RANBP2: variants seen among roughly 807,000 people sequenced by gnomAD.
RANBP2 encodes the protein E3 SUMO-protein ligase RanBP2.
Under a neutral mutation model 303.6 loss-of-function variants are expected in RANBP2, and 57 were observed. The ratio of observed to expected loss-of-function variants is 0.19; its 90% CI spans 0.15 to 0.23. The LOEUF (loss-of-function observed/expected upper bound fraction) is 0.23, where lower values mean the gene tolerates loss of function less well. Among genes scored for constraint, RANBP2 ranks in the 10% least tolerant of loss-of-function variants. The pLI is 1.00. For missense variants in RANBP2, 3,138 were observed against 3,780.8 expected (o/e 0.83, Z 4.46); for synonymous variants, 1,167 against 1,301.5 (o/e 0.90, Z 2.23).
chr2:109,560,964 T>C, the RANBP2 span, among the ~76,000 whole-genome samples: 1 of 152,178 alleles, frequency 6.6e-6, no homozygotes, highest in Non-Finnish European at 1.5e-5. Context: ...CTAACTGGCC[T>C]CTCCTAAGCA....
At chr2:108,839,496 T>C in the RANBP2 span, among the ~76,000 whole-genome samples, 2 of 152,198 alleles carry the variant, frequency 1.3e-5, no homozygotes, top group African/African-American at 4.8e-5. Context: ...ATCTTTCCTT[T>C]GTTGAGTCTT....
At chr2:108,900,059 A>G in the RANBP2 span, among the ~76,000 whole-genome samples, 6 of 152,334 alleles carry the variant, frequency 3.9e-5, no homozygotes, top group East Asian at 9.6e-4. Context: ...AGAAACTACT[A>G]AAATAACTAT....
chr2:109,712,494 C>G, the RANBP2 span, among the ~76,000 whole-genome samples: 7 of 152,146 alleles, frequency 4.6e-5, no homozygotes, highest in Non-Finnish European at 1.0e-4. Context: ...TACAATAGCA[C>G]GATCTCTGCT....
chr2:108,796,019 C>T, the RANBP2 span, among the ~76,000 whole-genome samples: 1 of 152,192 alleles, frequency 6.6e-6, no homozygotes, highest in Admixed American at 6.5e-5. Flanking sequence ...AATGGATTAA[C>T]TGGTTTAATC....
At position 108,764,180 on chromosome 2, in the gene RANBP2, G is replaced by A; in HGVS notation, c.3641G>A (p.Arg1214His). The change falls in exon 20 of 29, where the codon CGT (arginine) becomes CAT (histidine). Residue 1214 changes from arginine to histidine, a missense_variant. Arg to His is a conservative substitution (Grantham distance 29). Coordinates refer to ENST00000283195, the MANE Select transcript of RANBP2 (RefSeq NM_006267.5). ...FDVESKEWKE[R>H]GIGNVKILRH... ...GTAGAATCCAAAGAATGGAAAGAAC[G>A]TGGGATTGGCAATGTAAAAATACTG... 2 of 1,614,052 alleles carry A rather than the reference G, an allele frequency of 1.2e-6. No individual in the cohort carries two copies. Among genetic ancestry groups the A allele is most frequent in the Non-Finnish European group, 1.7e-6 (2 of 1,179,980 alleles).
the RANBP2 span, among the ~76,000 whole-genome samples, chr2:109,216,749 T>G: frequency 6.6e-6 from 1 of 152,246 alleles, no homozygotes; most frequent in African/African-American, 2.4e-5. Context: ...TGATTTAAAT[T>G]GGCATACAAA....
chr2:108,725,882 G>C (rs1474630744), intron 1 of RANBP2, among the ~76,000 whole-genome samples: 1 of 152,046 alleles, frequency 6.6e-6, no homozygotes, highest in East Asian at 1.9e-4. Flanking sequence ...TGTTAGCCTG[G>C]CATTGAGCAA....
the RANBP2 span, chr2:109,667,880 C>T: frequency 1.1e-4 from 7 of 61,724 alleles, no homozygotes; most frequent in Non-Finnish European, 2.4e-4. Context: ...TTAAAGCACT[C>T]CTCAAGCAGA....
chr2:108,949,998 A>T, the RANBP2 span, among the ~76,000 whole-genome samples: 3 of 152,348 alleles, frequency 2.0e-5, no homozygotes, highest in East Asian at 3.9e-4. Flanking sequence ...GGGTGCAGCA[A>T]ACTGGACAAA....
At chr2:109,322,354 T>A in the RANBP2 span, among the ~76,000 whole-genome samples, 1 of 152,186 alleles carries the variant, frequency 6.6e-6, no homozygotes, top group Non-Finnish European at 1.5e-5. Flanking sequence ...CATTTCAACA[T>A]GTGCCGAAAT....
At chr2:109,589,746 C>T in the RANBP2 span, among the ~76,000 whole-genome samples, 1 of 151,826 alleles carries the variant, frequency 6.6e-6, no homozygotes, top group East Asian at 1.9e-4. Flanking sequence ...CAAAAAAAAC[C>T]CGCTTGGAGG....
chr2:108,816,230 C>T, the RANBP2 span: 2 of 659,818 alleles, frequency 3.0e-6, no homozygotes, highest in South Asian at 2.2e-5. Context: ...CTGGGCAGAT[C>T]ACCTGAGGTC....
chr2:109,427,161 G>A, the RANBP2 span, among the ~76,000 whole-genome samples: 9,380 of 151,958 alleles, frequency 0.062, 381 homozygotes, highest in South Asian at 0.11. Flanking sequence ...TAGAGACGGG[G>A]TTTCACCATT....
the RANBP2 span, among the ~76,000 whole-genome samples, chr2:108,832,054 G>A: frequency 6.8e-6 from 1 of 147,964 alleles, no homozygotes; most frequent in Non-Finnish European, 1.5e-5. Context: ...TTTTGAAATG[G>A]AGTCTCACTC....
chr2:109,207,607 C>T, the RANBP2 span, among the ~76,000 whole-genome samples: 1 of 152,084 alleles, frequency 6.6e-6, no homozygotes, highest in Non-Finnish European at 1.5e-5. Context: ...AATAAAGATG[C>T]AATGGAGCCC....
At chr2:109,615,366 C>T in the RANBP2 span, 3 of 1,612,958 alleles carry the variant, frequency 1.9e-6, no homozygotes, top group South Asian at 1.1e-5. Context: ...CGAGCCCGGC[C>T]TGCTGGTCAA....
In RANBP2 at chr2:108,732,685, C is replaced by T. The variant is rs1424724146; in HGVS notation, c.405+1211C>T. ...TATTACCACAGAGATCTTCCTCATGCTGCCCCTTTTGTAGTGATGCTATTT... is the reference window on the plus strand; with the variant it reads ...TATTACCACAGAGATCTTCCTCATGTTGCCCCTTTTGTAGTGATGCTATTT... On this transcript the variant is annotated intron_variant, in intron 4 of 28. Transcript: ENST00000283195. Among the ~76,000 whole-genome samples the T allele has an allele frequency of 2.0e-5, 3 of 152,348 alleles. No homozygotes were observed. In the East Asian group the frequency reaches 5.8e-4, roughly 29 times the overall value.
chr2:109,127,268 C>T, the RANBP2 span: 1 of 152,042 alleles, frequency 6.6e-6, no homozygotes, highest in Non-Finnish European at 1.5e-5. Flanking sequence ...CTTCAAATCA[C>T]CAGTAGGTGA....
At chr2:109,326,595 A>G in the RANBP2 span, among the ~76,000 whole-genome samples, 3 of 152,212 alleles carry the variant, frequency 2.0e-5, no homozygotes, top group Non-Finnish European at 2.9e-5. Flanking sequence ...TGGATTACCA[A>G]TGCTGTTGAG....
Sources: gnomAD v4.1 joint callset for allele counts (sites outside exome capture counted in the v4.1 genomes callset) on GRCh38, gnomAD v4.1.1 for gene constraint, MANE v1.5 for transcripts, NCBI Gene and HGNC (gene_info 2026-07-23, HGNC 2026-07-21) for gene names.